SPART: variants seen among roughly 807,000 people sequenced by gnomAD.
SPART encodes the protein spartin, also known as spastic paraplegia 20 (Troyer syndrome).
A neutral mutation model predicts 58.7 loss-of-function variants in SPART; 35 were observed. That is an observed-to-expected ratio of 0.60 (90% CI 0.46 to 0.79). The LOEUF (loss-of-function observed/expected upper bound fraction) is 0.79. SPART is among the 30% of genes least tolerant of loss of function. SPART has a pLI of 0.00. For missense variants in SPART, 730 were observed against 786.1 expected, an observed-to-expected ratio of 0.93 and a Z score of 0.85; for synonymous variants, 284 against 280.7, an observed-to-expected ratio of 1.01 and a Z score of -0.12.
rs1880251374 is a variant in SPART, at chr13:36,304,195, T to C, written c.*170A>G. The C allele has an allele frequency of 1.3e-6, 1 of 745,128 alleles. No individual in the cohort carries two copies. Among genetic ancestry groups the C allele is most frequent in the Non-Finnish European group, 2.2e-6 (1 of 454,218 alleles). The allele number at this position is 745,128 out of a possible 1,614,324, so 46.2% of individuals were successfully genotyped here. A position where few individuals can be genotyped will look rare whatever the true frequency, so the allele number is the denominator to read the frequency against. On this transcript the variant is annotated 3_prime_UTR_variant, in exon 9 of 9. Coordinates refer to ENST00000438666, the MANE Select transcript of SPART (RefSeq NM_015087.5). ...CTAAGGCCAGATGCAAGAATACTTA[T>C]TCTTTTCCTTTTAAATAGAAGACAT...
chr13:36,310,723 G>C (rs938541616), intron 8 of SPART, among the ~76,000 whole-genome samples: 1 of 152,002 alleles, frequency 6.6e-6, no homozygotes, highest in Admixed American at 6.6e-5. Flanking sequence ...CCATGTAAAT[G>C]TTCCCCTGTT....
chr13:36,346,474 G>T (rs997257373), upstream of SPART: 10 of 152,842 alleles, frequency 6.5e-5, no homozygotes, highest in Non-Finnish European at 7.3e-5. Context: ...CCGCCACAGA[G>T]CCCGCAGCAC....
chr13:36,317,300 G>T (rs1326229766), intron 5 of SPART, among the ~76,000 whole-genome samples: 1 of 151,832 alleles, frequency 6.6e-6, no homozygotes, highest in East Asian at 1.9e-4. Flanking sequence ...CTGCTTTTCT[G>T]GGGGAGGGGC....
intron 1 of SPART, among the ~76,000 whole-genome samples, chr13:36,358,158 C>G (rs997791018): frequency 3.9e-5 from 6 of 152,156 alleles, no homozygotes; most frequent in African/African-American, 1.4e-4. Flanking sequence ...TGAGATTTGG[C>G]AAAAATACGC....
rs748806253 is a variant in SPART at position 36,304,368 on chromosome 13, T to C, written c.1998A>G (p.Lys666=). Residue 666 remains lysine, a synonymous_variant, in exon 9 of 9, where the codon AAA becomes AAG. Transcript: ENST00000438666. The part of the protein sequence containing the change: ...KEVKEAKKKD[K] ...ATAAGTGATTCCCAGCACTTCATCA[T>C]TTATCTTTCTTCTTTGCCTCCTTTA... 2.5e-5 allele frequency: 41 copies of C among 1,614,076 alleles called. No homozygotes were observed. The East Asian group carries it at 8.2e-4, about 32-fold the overall frequency.
chr13:36,342,620 C>T lies in SPART; in HGVS notation c.-3+3605G>A, dbSNP rs932078747. Among the ~76,000 whole-genome samples the T allele has an allele frequency of 3.9e-5, 6 of 152,146 alleles. No homozygotes were observed. In the East Asian group the frequency reaches 7.7e-4, roughly 20 times the overall value. ...TGCCCATAGCAGCACCACCCCTCAT[C>T]CCGGTTGTGACAACCAAAAACGTCT... On this transcript the variant is annotated intron_variant, in intron 1 of 8. Transcript: ENST00000438666.
intron 3 of SPART, 149 bp from the exon 4 acceptor site, chr13:36,329,666 A>G: frequency 1.2e-6 from 1 of 801,144 alleles, no homozygotes; most frequent in Non-Finnish European, 2.0e-6. Context: ...TTTTTTCTCT[A>G]CGATTCTCTT....
At position 36,360,274 on chromosome 13, in the gene SPART, G is replaced by GACAGAGT. The variant is rs60377824; in HGVS notation, c.-3+9814_-3+9815insACTCTGT. On this transcript the variant is annotated intron_variant, in intron 1 of 8. Transcript: ENST00000355182. ...TGCGCCACTGCACTCCAGCCTGGGT[G>GACAGAGT]GAGAAAATTTTTGGAGAAAATTCCT... Among the ~76,000 whole-genome samples the GACAGAGT allele has an allele frequency of 1.2e-3, 168 of 137,134 alleles. 1 individual carries two copies. The highest frequency in any genetic ancestry group is 4.0e-3 in the African/African-American group (146 of 36,434). 90.0% of individuals were successfully genotyped at this position (137,134 alleles called of 152,430 possible).
At position 36,325,458 on chromosome 13, in the gene SPART, C is replaced by T. The variant is rs61950270; in HGVS notation, c.1288+1117G>A. On this transcript the variant is annotated intron_variant, in intron 5 of 8. Coordinates refer to ENST00000438666, the MANE Select transcript of SPART (RefSeq NM_015087.5). ...TGTTGGTTTTTTATGTTGAAGATTT[C>T]CTCTGCTTTAGACATCTTTTAAAAT... Among the ~76,000 whole-genome samples, 536 of 152,140 alleles carry T rather than the reference C, an allele frequency of 3.5e-3. 3 individuals carry two copies. Among genetic ancestry groups the T allele is most frequent in the Non-Finnish European group, 6.0e-3 (409 of 68,010 alleles).
chr13:36,333,247 G>C (rs1288781019), intron 2 of SPART, among the ~76,000 whole-genome samples: 1 of 151,684 alleles, frequency 6.6e-6, no homozygotes, highest in African/African-American at 2.4e-5. Context: ...AGATTTAACA[G>C]GTTTAAAAAG....
rs367832486 is a variant in SPART, at chr13:36,359,220, C to G, written c.-3+10869G>C. Among the ~76,000 whole-genome samples the G allele has an allele frequency of 7.9e-5, 12 of 152,298 alleles. No individual in the cohort carries two copies. The East Asian group carries it at 2.1e-3, about 27-fold the overall frequency. On this transcript the variant is annotated intron_variant, in intron 1 of 8. Coordinates refer to the SPART transcript ENST00000355182. ...CCCTATATTGCCTTTAAACTCCTCC[C>G]CCACAAAATTATATGGAGTGGGGTT... is the stretch of plus-strand genomic sequence containing the variant.
chr13:36,314,069 G>T, intron 6 of SPART, 158 bp downstream of exon 6: 1 of 707,056 alleles, frequency 1.4e-6, no homozygotes, highest in Non-Finnish European at 2.3e-6. Context: ...GATGTTGCTG[G>T]TCCGCAGGTC....
chr13:36,340,312 G>A (rs990231558), intron 1 of SPART, among the ~76,000 whole-genome samples: 9 of 147,804 alleles, frequency 6.1e-5, no homozygotes, highest in African/African-American at 1.5e-4. Context: ...GCAGTGAGCC[G>A]AGATCACACC....
chr13:36,312,299 A>C lies in SPART; in HGVS notation c.1642+20T>G. 6.2e-7 allele frequency: 1 copy of C among 1,614,092 alleles called. No homozygotes were observed. Among genetic ancestry groups the C allele is most frequent in the East Asian group, 2.2e-5 (1 of 44,858 alleles). On this transcript the variant is annotated intron_variant, in intron 7 of 8. Transcript: ENST00000438666. ...AAAGCAAACGGACCTTCATAGTTAAAATTCTGGGCCCTTTGTTACCTTGAA... is the reference window on the plus strand; with the variant it reads ...AAAGCAAACGGACCTTCATAGTTAACATTCTGGGCCCTTTGTTACCTTGAA...
At chr13:36,306,641 TAC>T (rs1383200773) in intron 8 of SPART, among the ~76,000 whole-genome samples, 6 of 152,220 alleles carry the variant, frequency 3.9e-5, no homozygotes, top group Non-Finnish European at 8.8e-5. Context: ...TTCTAAAAAC[TAC>T]ATTGTCTTTA....
At chr13:36,319,900 G>A (rs1197538644) in intron 5 of SPART, among the ~76,000 whole-genome samples, 2 of 151,710 alleles carry the variant, frequency 1.3e-5, no homozygotes, top group Non-Finnish European at 2.9e-5. Context: ...AAAAACACAC[G>A]TGCTCTCCCT....
At chr13:36,345,643 C>T (rs1885027605) in intron 1 of SPART, 1 of 152,186 alleles carries the variant, frequency 6.6e-6, no homozygotes, top group African/African-American at 2.4e-5. Context: ...CCAAGAGAAA[C>T]TTTTCTCAGG....
intron 1 of SPART, among the ~76,000 whole-genome samples, chr13:36,354,104 A>G (rs1885527055): frequency 6.6e-6 from 1 of 152,212 alleles, no homozygotes; most frequent in Non-Finnish European, 1.5e-5. Context: ...AAACCATGTC[A>G]TTAAAAAGAA....
intron 1 of SPART, among the ~76,000 whole-genome samples, chr13:36,354,124 C>T (rs1431734792): frequency 6.6e-6 from 1 of 152,206 alleles, no homozygotes; most frequent in Non-Finnish European, 1.5e-5. Flanking sequence ...AAACCTATGT[C>T]ATGTTTTAAT....
Sources: allele counts gnomAD v4.1 joint callset (sites outside exome capture counted in the v4.1 genomes callset), GRCh38; gene constraint gnomAD v4.1.1; transcripts MANE v1.5; gene names NCBI Gene and HGNC (gene_info 2026-07-23, HGNC 2026-07-21).